The following RGS7 variants were observed in gnomAD, a reference collection of about 807,000 sequenced individuals.
The protein encoded by RGS7 is regulator of G protein signaling 7, also known as regulator of G-protein signaling 7.
Under a neutral mutation model 81.1 loss-of-function variants are expected in RGS7, and 27 were observed. The observed-to-expected ratio is 0.33, with a 90% CI of 0.25 to 0.46. The LOEUF (loss-of-function observed/expected upper bound fraction) is 0.46, where lower values mean the gene tolerates loss of function less well. Ranked by LOEUF, RGS7 falls within the 20% of genes least tolerant of loss-of-function variation. The pLI, the probability that RGS7 is intolerant of heterozygous loss-of-function variation, is 1.00. For missense variants in RGS7, 396 were observed against 607.4 expected (o/e 0.65, Z 3.66); for synonymous variants, 208 against 207.7 (o/e 1.00, Z -0.01).
intron 6 of RGS7, among the ~76,000 whole-genome samples, chr1:240,872,120 A>G (rs1293000440): frequency 2.0e-5 from 3 of 152,122 alleles, no homozygotes; most frequent in Non-Finnish European, 2.9e-5. Flanking sequence ...TTCTCTAGGG[A>G]AAAAAATGAA....
chr1:241,097,774 T>C (rs565359081), intron 3 of RGS7, among the ~76,000 whole-genome samples: 1 of 152,164 alleles, frequency 6.6e-6, no homozygotes, highest in Non-Finnish European at 1.5e-5. Context: ...TTACTCTTCC[T>C]TGTGTCTTGG....
At chr1:240,786,929 G>GT (rs148492124) in intron 18 of RGS7, among the ~76,000 whole-genome samples, 6,553 of 151,762 alleles carry the variant, frequency 0.043, 467 homozygotes, top group African/African-American at 0.15. Flanking sequence ...GAACACCTGG[G>GT]TTTTTTTTAG....
At chr1:241,106,915 A>G (rs557905192) in intron 2 of RGS7, among the ~76,000 whole-genome samples, 13 of 151,536 alleles carry the variant, frequency 8.6e-5, no homozygotes, top group African/African-American at 3.1e-4. Flanking sequence ...TTTTAAATAA[A>G]TCATTTCTCT....
intron 3 of RGS7, among the ~76,000 whole-genome samples, chr1:241,062,544 T>C (rs2061795112): frequency 6.6e-6 from 1 of 152,214 alleles, no homozygotes. Context: ...GCATTTCATA[T>C]GGGAGCAATG....
chr1:240,895,746 G>A (rs7413165), intron 6 of RGS7, among the ~76,000 whole-genome samples: 19,384 of 152,028 alleles, frequency 0.13, 1,328 homozygotes, highest in Middle Eastern at 0.18. Flanking sequence ...CGCAATAAAC[G>A]TACATGTGCA....
chr1:241,328,981 A>T (rs1473212405), intron 2 of RGS7, among the ~76,000 whole-genome samples: 1 of 152,188 alleles, frequency 6.6e-6, no homozygotes, highest in Non-Finnish European at 1.5e-5. Context: ...AATGGAAGTC[A>T]TTACCACTCA....
At chr1:240,953,583 G>A (rs958943565) in intron 4 of RGS7, among the ~76,000 whole-genome samples, 1 of 151,948 alleles carries the variant, frequency 6.6e-6, no homozygotes, top group Non-Finnish European at 1.5e-5. Flanking sequence ...GTGGACTGCA[G>A]CAAAGGCAGT....
chr1:240,868,689 G>T lies in RGS7; in HGVS notation c.528-21C>A, dbSNP rs764075010. On this transcript the variant is annotated intron_variant, in intron 8 of 18. Coordinates refer to ENST00000440928, the MANE Select transcript of RGS7 (RefSeq NM_001364886.1). This position sits in a 1 kb window ranked among gnomAD's most constrained non-coding sequence, Gnocchi z 5.1. ...CCACTCTGTCAACACAGTAACAATA[G>T]ATAACATTTAGTATTAATTGTAGTG... 1.9e-6 allele frequency: 3 copies of T among 1,610,886 alleles called. No individual in the cohort carries two copies. Among genetic ancestry groups the T allele is most frequent in the Non-Finnish European group, 2.5e-6 (3 of 1,177,196 alleles).
At chr1:241,091,286 C>T (rs547548304) in intron 3 of RGS7, among the ~76,000 whole-genome samples, 86 of 152,272 alleles carry the variant, frequency 5.6e-4, no homozygotes, top group South Asian at 3.9e-3. Flanking sequence ...CTGTGGCTCA[C>T]GCCTGTAATC....
At chr1:240,789,411 G>A (rs1245339670) in intron 18 of RGS7, among the ~76,000 whole-genome samples, 1 of 152,208 alleles carries the variant, frequency 6.6e-6, no homozygotes, top group African/African-American at 2.4e-5. Flanking sequence ...GGGAACAAGA[G>A]AGATCACCTT....
chr1:241,175,334 G>C (rs910512095), intron 2 of RGS7, among the ~76,000 whole-genome samples: 1 of 152,150 alleles, frequency 6.6e-6, no homozygotes, highest in Non-Finnish European at 1.5e-5. Flanking sequence ...GTCAGTGGTG[G>C]GAGATGAGTT....
chr1:241,180,991 A>C (rs967140461), intron 2 of RGS7, among the ~76,000 whole-genome samples: 1 of 152,256 alleles, frequency 6.6e-6, no homozygotes, highest in African/African-American at 2.4e-5. Flanking sequence ...ACTACATAAC[A>C]TTCTGGATAA....
intron 3 of RGS7, among the ~76,000 whole-genome samples, chr1:241,065,814 A>T (rs1198533547): frequency 6.6e-6 from 1 of 152,218 alleles, no homozygotes; most frequent in Non-Finnish European, 1.5e-5. Context: ...CTGAGTGATG[A>T]TGGACAAGCT....
In RGS7 at chr1:241,163,249, C is replaced by G. The variant is rs1205960037; in HGVS notation, c.79-64487G>C. 2.0e-5 allele frequency among the ~76,000 whole-genome samples: 3 copies of G among 152,170 alleles called. No individual in the cohort carries two copies. Among genetic ancestry groups the G allele is most frequent in the Admixed American group, 6.5e-5 (1 of 15,276 alleles). On this transcript the variant is annotated intron_variant, in intron 2 of 18. Coordinates refer to ENST00000440928, the MANE Select transcript of RGS7 (RefSeq NM_001364886.1). The surrounding 1 kb of genome is among the most constrained non-coding windows in gnomAD (Gnocchi z 4.6). ...GTGAAAAGAAGGTGATTTCACTCAG[C>G]CTGCTCAGTCCTAGGGCTCAGTAGC...
chr1:241,077,235 C>G (rs1462164986), intron 3 of RGS7, among the ~76,000 whole-genome samples: 1 of 152,100 alleles, frequency 6.6e-6, no homozygotes, highest in East Asian at 1.9e-4. Context: ...AGAACAAAAT[C>G]TTAATTTACA....
At chr1:241,075,642 A>G (rs1234016922) in intron 3 of RGS7, among the ~76,000 whole-genome samples, 1 of 152,240 alleles carries the variant, frequency 6.6e-6, no homozygotes, top group Admixed American at 6.5e-5. Context: ...AAGAAAGTTT[A>G]CAAATGTGTG....
chr1:241,122,455 G>A (rs1418308092), intron 2 of RGS7, among the ~76,000 whole-genome samples: 1 of 152,018 alleles, frequency 6.6e-6, no homozygotes, highest in East Asian at 1.9e-4. Context: ...CTGAGATCAG[G>A]GGTTTGAGAC....
intron 3 of RGS7, among the ~76,000 whole-genome samples, chr1:241,041,587 C>G (rs926896127): frequency 1.1e-4 from 17 of 152,114 alleles, no homozygotes; most frequent in Admixed American, 1.0e-3. Context: ...AAAGGTGCCC[C>G]CATTCCTTTG....
chr1:240,993,865 G>A (rs2148601194), intron 3 of RGS7, among the ~76,000 whole-genome samples: 1 of 152,182 alleles, frequency 6.6e-6, no homozygotes, highest in African/African-American at 2.4e-5. Flanking sequence ...TAAGTTGTGA[G>A]ACTTAGGTGG....
Sources: gnomAD v4.1 joint callset for allele counts (sites outside exome capture counted in the v4.1 genomes callset) on GRCh38, gnomAD v4.1.1 for gene constraint, Gnocchi (gnomAD v3.1) non-coding constraint, MANE v1.5 for transcripts, NCBI Gene and HGNC (gene_info 2026-07-23, HGNC 2026-07-21) for gene names.